Variants in WDR27 observed in about 807,000 individuals in gnomAD.
The protein encoded by WDR27 is WD repeat domain 27, also known as WD repeat-containing protein 27.
WDR27 carries 100 observed loss-of-function variants against 114.4 expected under a neutral mutation model. The ratio of observed to expected loss-of-function variants is 0.87; its 90% CI spans 0.74 to 1.03. The LOEUF (loss-of-function observed/expected upper bound fraction) is 1.03, where lower values mean the gene tolerates loss of function less well. Among genes scored for constraint, WDR27 ranks in the 50% least tolerant of loss-of-function variants. WDR27 has a pLI of 0.00. For missense variants in WDR27, 1,129 were observed against 1,092.9 expected (o/e 1.03, Z -0.47); for synonymous variants, 449 against 423.1 (o/e 1.06, Z -0.75).
At chr6:169,587,869 T>C (rs10945444) in intron 23 of WDR27, among the ~76,000 whole-genome samples, 68,690 of 152,130 alleles carry the variant, frequency 0.45, 19,610 homozygotes, top group Non-Finnish European at 0.64. Context: ...TTACACTGGA[T>C]TCATTTATCC....
chr6:169,516,850 A>C (rs1311718922), intron 25 of WDR27, among the ~76,000 whole-genome samples: 2 of 128,810 alleles, frequency 1.6e-5, no homozygotes, highest in Admixed American at 1.5e-4. Flanking sequence ...TCCCTTAGCA[A>C]AGACTGAAAG....
At chr6:169,567,148 T>C (rs3817865) in intron 25 of WDR27, among the ~76,000 whole-genome samples, 87,442 of 152,082 alleles carry the variant, frequency 0.57, 28,531 homozygotes, top group Non-Finnish European at 0.72. Flanking sequence ...GCTGTGACAG[T>C]GACACCTGGG....
intron 25 of WDR27, among the ~76,000 whole-genome samples, chr6:169,475,105 T>C (rs537583346): frequency 1.7e-4 from 26 of 152,382 alleles, no homozygotes; most frequent in African/African-American, 6.3e-4. Flanking sequence ...TTGAAAATAA[T>C]TCTGTAACTA....
At chr6:169,624,585 G>A (rs187367578) in intron 21 of WDR27, among the ~76,000 whole-genome samples, 23 of 152,226 alleles carry the variant, frequency 1.5e-4, no homozygotes, top group African/African-American at 4.8e-4. Context: ...GCCATCGACC[G>A]TTTCCAGGGA....
intron 21 of WDR27, among the ~76,000 whole-genome samples, chr6:169,626,323 T>C (rs1814815722): frequency 1.3e-5 from 2 of 152,130 alleles, no homozygotes; most frequent in Non-Finnish European, 2.9e-5. Context: ...AGGGGGGCTG[T>C]GCTGTAGTGA....
chr6:169,509,471 T>C (rs1422499406), intron 25 of WDR27, among the ~76,000 whole-genome samples: 9 of 151,836 alleles, frequency 5.9e-5, no homozygotes, highest in South Asian at 2.1e-4. Flanking sequence ...TCAGAAATAA[T>C]GCCGCATATC....
At chr6:169,467,981 A>G (rs928705852) in intron 25 of WDR27, among the ~76,000 whole-genome samples, 6 of 152,210 alleles carry the variant, frequency 3.9e-5, no homozygotes, top group African/African-American at 1.4e-4. Context: ...CGCATCTTGA[A>G]CACTTTGCAG....
chr6:169,692,596 A>C (rs1414063517), intron 1 of WDR27, among the ~76,000 whole-genome samples: 5 of 152,200 alleles, frequency 3.3e-5, no homozygotes, highest in Non-Finnish European at 7.3e-5. Context: ...TTAGCTGGGC[A>C]CTGTGGGAGC....
At chr6:169,593,852 AAAACAAACAAAC>A (rs150266215) in intron 23 of WDR27, among the ~76,000 whole-genome samples, 4 of 135,014 alleles carry the variant, frequency 3.0e-5, no homozygotes, top group Non-Finnish European at 5.0e-5. Context: ...CTGTCTCAAA[AAAACAAACAAAC>A]AAACAAACAA....
chr6:169,489,437 C>G (rs1325478550), intron 25 of WDR27, among the ~76,000 whole-genome samples: 1 of 152,196 alleles, frequency 6.6e-6, no homozygotes, highest in African/African-American at 2.4e-5. Flanking sequence ...GGCAGCCACG[C>G]CCATCGCCCG....
At chr6:169,459,541 A>G (rs1272179574) in intron 25 of WDR27, among the ~76,000 whole-genome samples, 1 of 151,660 alleles carries the variant, frequency 6.6e-6, no homozygotes, top group Non-Finnish European at 1.5e-5. Context: ...ATGTATATAT[A>G]TACATTTATA....
intron 15 of WDR27, 22 bp downstream of exon 15, chr6:169,649,176 G>C: frequency 6.4e-7 from 1 of 1,551,950 alleles, no homozygotes; most frequent in East Asian, 2.4e-5. Context: ...AATGTACTTG[G>C]AATGCACGCT....
chr6:169,656,277 G>T (rs1824165433), intron 13 of WDR27, among the ~76,000 whole-genome samples: 1 of 152,162 alleles, frequency 6.6e-6, no homozygotes, highest in African/African-American at 2.4e-5. Context: ...AAGGGTGGGG[G>T]CCAATCAGAG....
At chr6:169,582,118 C>T (rs944522383) in intron 24 of WDR27, among the ~76,000 whole-genome samples, 2 of 152,270 alleles carry the variant, frequency 1.3e-5, no homozygotes, top group East Asian at 1.9e-4. Context: ...GGATTATACG[C>T]GCCCACCACC....
In WDR27 at chr6:169,575,274, A is replaced by C. The variant is rs9383496; in HGVS notation, c.2524-2734T>G. 1.7e-4 allele frequency among the ~76,000 whole-genome samples: 19 copies of C among 111,288 alleles called. No homozygotes were observed. In the East Asian group the frequency reaches 1.9e-3, roughly 11 times the overall value. The allele number at this position is 111,288 out of a possible 152,430, so 73.0% of individuals were successfully genotyped here. On this transcript the variant is annotated intron_variant, in intron 24 of 25. Transcript: ENST00000448612. ...TCCATCCCTCCTTCCCTCTCTCTCC[A>C]TCCATCCCTCCCTCCCTCCCTCTCT...
chr6:169,609,810 CA>C (rs1287650183), intron 22 of WDR27, among the ~76,000 whole-genome samples: 1 of 152,208 alleles, frequency 6.6e-6, no homozygotes, highest in African/African-American at 2.4e-5. Context: ...ATTGCATTGT[CA>C]GGCTGCAAAT....
At chr6:169,685,026 G>C (rs892638355) in intron 2 of WDR27, among the ~76,000 whole-genome samples, 1 of 152,108 alleles carries the variant, frequency 6.6e-6, no homozygotes. Context: ...AATTCTCTTA[G>C]TCAAGGCCAT....
chr6:169,567,913 C>T (rs1042715893), intron 25 of WDR27, among the ~76,000 whole-genome samples: 3 of 152,140 alleles, frequency 2.0e-5, no homozygotes, highest in Admixed American at 1.3e-4. Context: ...GGCCCTTGTA[C>T]CCCAGCCACT....
chr6:169,567,048 G>A (rs1562595823), intron 25 of WDR27, among the ~76,000 whole-genome samples: 1 of 152,210 alleles, frequency 6.6e-6, no homozygotes. Flanking sequence ...GGCCAACAAC[G>A]ATGTCTGCGT....
Sources: allele counts gnomAD v4.1 joint callset (sites outside exome capture counted in the v4.1 genomes callset), GRCh38; gene constraint gnomAD v4.1.1; transcripts MANE v1.5; gene names NCBI Gene and HGNC (gene_info 2026-07-23, HGNC 2026-07-21).